Variants in GPHN observed in about 807,000 individuals in gnomAD.
GPHN encodes the protein gephyrin.
In GPHN, 17 loss-of-function variants were observed where a neutral mutation model predicts 95.5. The observed-to-expected ratio is 0.18, with a 90% CI of 0.12 to 0.27. The LOEUF (loss-of-function observed/expected upper bound fraction) is 0.27, where lower values mean the gene tolerates loss of function less well. GPHN is among the 10% of genes least tolerant of loss of function. The probability of loss-of-function intolerance (pLI) is 1.00; values close to 1 mark genes in which losing one functional copy is unlikely to be tolerated. For missense variants in GPHN, 660 were observed against 978.1 expected (o/e 0.67, Z 4.34); for synonymous variants, 320 against 322.5 (o/e 0.99, Z 0.08).
At chr14:67,179,473 T>C in intron 21 of GPHN, 105 bp from the exon 22 acceptor site, 1 of 730,538 alleles carries the variant, frequency 1.4e-6, no homozygotes, top group Non-Finnish European at 2.5e-6. Context: ...AATACCAAGG[T>C]TAGTCTCCAT....
the GPHN span, among the ~76,000 whole-genome samples, chr14:67,411,262 G>A: frequency 3.3e-5 from 5 of 151,638 alleles, no homozygotes; most frequent in African/African-American, 4.9e-5. Context: ...GTTTGCACTC[G>A]TTTGCCCTGG....
intron 8 of GPHN, among the ~76,000 whole-genome samples, chr14:66,945,890 A>T (rs1036131603): frequency 2.6e-5 from 4 of 152,156 alleles, no homozygotes; most frequent in Non-Finnish European, 4.4e-5. Flanking sequence ...GTAACTCTTT[A>T]TCTGTGCTTA....
intron 1 of GPHN, among the ~76,000 whole-genome samples, chr14:66,629,818 A>G (rs1168404717): frequency 6.6e-6 from 1 of 152,130 alleles, no homozygotes; most frequent in Non-Finnish European, 1.5e-5. Flanking sequence ...ATTGACTGAA[A>G]TATCATTATG....
intron 1 of GPHN, among the ~76,000 whole-genome samples, chr14:66,602,703 A>G (rs2062312603): frequency 6.6e-6 from 1 of 151,934 alleles, no homozygotes; most frequent in Non-Finnish European, 1.5e-5. Flanking sequence ...GGTAGTAGGG[A>G]AAATTCAAGG....
the GPHN span, among the ~76,000 whole-genome samples, chr14:67,332,109 G>C: frequency 2.6e-5 from 4 of 151,998 alleles, no homozygotes; most frequent in Non-Finnish European, 5.9e-5. Flanking sequence ...TTGAGTTTAA[G>C]TTAGTTGTCT....
intron 2 of GPHN, among the ~76,000 whole-genome samples, chr14:66,769,757 C>T (rs777821773): frequency 6.6e-6 from 1 of 152,042 alleles, no homozygotes; most frequent in Non-Finnish European, 1.5e-5. Flanking sequence ...GATTCTGTGT[C>T]TTTGCTATTG....
chr14:67,526,792 A>G, the GPHN span, among the ~76,000 whole-genome samples: 1 of 152,022 alleles, frequency 6.6e-6, no homozygotes, highest in Non-Finnish European at 1.5e-5. Context: ...ATAGTCTCCA[A>G]TGTGCTGGCA....
At chr14:66,640,915 A>G (rs748618302) in intron 1 of GPHN, among the ~76,000 whole-genome samples, 2 of 152,202 alleles carry the variant, frequency 1.3e-5, no homozygotes, top group African/African-American at 4.8e-5. Flanking sequence ...TGGTAATCAC[A>G]TTCAATATAA....
chr14:66,768,486 T>G (rs2059044709), intron 2 of GPHN, among the ~76,000 whole-genome samples: 1 of 151,980 alleles, frequency 6.6e-6, no homozygotes, highest in Non-Finnish European at 1.5e-5. Context: ...TCCTGACTTT[T>G]CAATATTCTG....
intron 8 of GPHN, among the ~76,000 whole-genome samples, chr14:66,952,184 G>A (rs955004590): frequency 6.6e-6 from 1 of 152,144 alleles, no homozygotes; most frequent in Non-Finnish European, 1.5e-5. Flanking sequence ...TCATTAAACA[G>A]TCTATTCTCC....
chr14:67,669,675 C>G, the GPHN span, among the ~76,000 whole-genome samples: 1 of 152,208 alleles, frequency 6.6e-6, no homozygotes, highest in African/African-American at 2.4e-5. Flanking sequence ...AACCCAAACT[C>G]TGCTTCTCCT....
chr14:67,577,251 TC>T, the GPHN span: 1 of 1,132,584 alleles, frequency 8.8e-7, no homozygotes, highest in Non-Finnish European at 1.3e-6. Context: ...GGGAGATGAG[TC>T]CCCTCTCAGT....
the GPHN span, chr14:67,577,298 G>A: frequency 6.4e-7 from 1 of 1,556,012 alleles, no homozygotes; most frequent in Non-Finnish European, 8.7e-7. Flanking sequence ...CGTGCTTTGG[G>A]CAGATTCGCC....
intron 8 of GPHN, among the ~76,000 whole-genome samples, chr14:66,959,824 C>A (rs1043729609): frequency 6.7e-6 from 1 of 149,996 alleles, no homozygotes; most frequent in African/African-American, 2.4e-5. Flanking sequence ...CTCTTTGCTT[C>A]TTTCTCTCCT....
At chr14:67,726,892 T>G in the GPHN span, 124 of 1,155,928 alleles carry the variant, frequency 1.1e-4, no homozygotes, top group Non-Finnish European at 1.4e-4. Flanking sequence ...CAGAAGATAG[T>G]GAGCTAACAC....
At chr14:67,490,100 C>T in the GPHN span, among the ~76,000 whole-genome samples, 1 of 152,158 alleles carries the variant, frequency 6.6e-6, no homozygotes, top group Non-Finnish European at 1.5e-5. Context: ...TGGAGAAGGG[C>T]CCAGCTGCAT....
the GPHN span, among the ~76,000 whole-genome samples, chr14:67,212,217 T>A: frequency 6.6e-6 from 1 of 152,222 alleles, no homozygotes; most frequent in East Asian, 1.9e-4. Context: ...TATTAGTTGC[T>A]CAGTAAATGA....
intron 3 of GPHN, among the ~76,000 whole-genome samples, chr14:66,792,224 TAC>T (rs1183978566): frequency 1.3e-5 from 2 of 152,174 alleles, no homozygotes; most frequent in African/African-American, 2.4e-5. Flanking sequence ...AGCCTTGTTT[TAC>T]CTAGCCCTTA....
At chr14:66,948,792 T>C (rs185546381) in intron 8 of GPHN, among the ~76,000 whole-genome samples, 8 of 152,302 alleles carry the variant, frequency 5.3e-5, no homozygotes, top group Admixed American at 4.6e-4. Context: ...ATACATTGCA[T>C]TGACAAGTTT....
Sources: allele counts gnomAD v4.1 joint callset (sites outside exome capture counted in the v4.1 genomes callset), GRCh38; gene constraint gnomAD v4.1.1; transcripts MANE v1.5; gene names NCBI Gene and HGNC (gene_info 2026-07-23, HGNC 2026-07-21).